Variants in SLC17A8 observed in about 807,000 individuals in gnomAD.
SLC17A8 encodes solute carrier family 17 member 8.
SLC17A8 carries 31 observed loss-of-function variants against 58.0 expected under a neutral mutation model. The ratio of observed to expected loss-of-function variants is 0.53; its 90% CI spans 0.40 to 0.72. The LOEUF (loss-of-function observed/expected upper bound fraction) is 0.72. Among genes scored for constraint, SLC17A8 ranks in the 30% least tolerant of loss-of-function variants. The pLI, the probability that SLC17A8 is intolerant of heterozygous loss-of-function variation, is 0.00. For synonymous variants in SLC17A8, 228 were observed against 249.0 expected (o/e 0.92, Z 0.79); for missense variants, 655 against 727.8 (o/e 0.90, Z 1.15).
Position 100,418,068 on chromosome 12 carries a change from C to T in SLC17A8, c.1337C>T (p.Ala446Val). 1 of 1,614,158 alleles carries T rather than the reference C, an allele frequency of 6.2e-7. No homozygotes were observed. The highest frequency in any genetic ancestry group is 1.3e-5 in the African/African-American group (1 of 75,044). ...CACCTGGACATTGCCCCACGCTATG[C>T]CAGCATTCTCATGGGGATCTCAAAC... The part of the protein sequence containing the change: ...VNHLDIAPRY[A>V]SILMGISNGV... Residue 446 changes from alanine to valine, a missense_variant, in exon 11 of 12, where the codon GCC (alanine) becomes GTC (valine). Ala to Val is a moderately conservative substitution (Grantham distance 64). Coordinates refer to ENST00000323346, the MANE Select transcript of SLC17A8 (RefSeq NM_139319.3).
intron 1 of SLC17A8, among the ~76,000 whole-genome samples, chr12:100,368,559 C>A (rs1952536940): frequency 6.6e-6 from 1 of 152,150 alleles, no homozygotes; most frequent in African/African-American, 2.4e-5. Flanking sequence ...TCTCCCTTAT[C>A]CAACTTTATT....
intron 1 of SLC17A8, among the ~76,000 whole-genome samples, chr12:100,366,286 G>A (rs950068209): frequency 6.6e-6 from 1 of 151,922 alleles, no homozygotes; most frequent in Non-Finnish European, 1.5e-5. Context: ...AAGGAACCAC[G>A]GAAAGCGTTT....
Position 100,402,633 on chromosome 12 carries a change from T to C in SLC17A8, c.941T>C (p.Leu314Ser). ...CCATGGAAAAGATTTTTCACATCTT[T>C]GCCGGTTTATGCAATCATTGTGGCA... ...STPWKRFFTSLPVYAIIVANF... is the reference protein window; with the variant it reads ...STPWKRFFTSSPVYAIIVANF... Residue 314 changes from leucine (L) to serine (S), a missense_variant, in exon 8 of 12, where the codon TTG (leucine) becomes TCG (serine). Physicochemically the swap from Leu to Ser is moderately radical, Grantham distance 145. Coordinates refer to ENST00000323346, the MANE Select transcript of SLC17A8 (RefSeq NM_139319.3). 6.2e-7 allele frequency: 1 copy of C among 1,614,102 alleles called. No homozygotes were observed. The highest frequency in any genetic ancestry group is 1.1e-5 in the South Asian group (1 of 91,052).
chr12:100,361,296 T>A lies in SLC17A8; in HGVS notation c.101+3804T>A, dbSNP rs146803980. ...GCTCTCTGAGTTCATCTGTGACATT[T>A]TCCTGCCTCACTCTACTCTGGATTC... On this transcript the variant is annotated intron_variant, in intron 1 of 11. Transcript: ENST00000323346. Among the ~76,000 whole-genome samples the A allele has an allele frequency of 3.3e-4, 50 of 152,330 alleles. 1 individual carries two copies. The highest frequency in any genetic ancestry group is 1.2e-3 in the African/African-American group (48 of 41,564).
At chr12:100,362,758 G>A (rs1349637328) in intron 1 of SLC17A8, among the ~76,000 whole-genome samples, 1 of 152,134 alleles carries the variant, frequency 6.6e-6, no homozygotes, top group East Asian at 1.9e-4. Context: ...TTCCAAAGAA[G>A]AGTTATTAAG....
chr12:100,391,626 C>T (rs561252614), intron 3 of SLC17A8, among the ~76,000 whole-genome samples: 75 of 152,184 alleles, frequency 4.9e-4, no homozygotes, highest in Admixed American at 2.1e-3. Flanking sequence ...CTTTTTATTT[C>T]GTTTTTCATC....
At chr12:100,391,980 G>T (rs986109658) in intron 3 of SLC17A8, among the ~76,000 whole-genome samples, 5 of 152,100 alleles carry the variant, frequency 3.3e-5, no homozygotes, top group African/African-American at 1.2e-4. Flanking sequence ...GCAATTAAAA[G>T]TACCCAAGAA....
rs1952950797 is a variant in SLC17A8 at position 100,421,670 on chromosome 12, T to G, written c.*1511T>G. 1 of 150,126 alleles carries G rather than the reference T, an allele frequency of 6.7e-6. No homozygotes were observed. The highest frequency in any genetic ancestry group is 1.5e-5 in the Non-Finnish European group (1 of 67,556). 9.3% of individuals were successfully genotyped at this position (150,126 alleles called of 1,614,324 possible). A position where few individuals can be genotyped will look rare whatever the true frequency, so the allele number is the denominator to read the frequency against. ...ATTATTGTAAAGTGTTTTTTTTTTT[T>G]TTTTTTTTTTCTAATTTCTCCCACA... is the stretch of plus-strand genomic sequence containing the variant. On this transcript the variant is annotated 3_prime_UTR_variant, in exon 12 of 12. Transcript: ENST00000323346.
chr12:100,390,924 T>C (rs1952711201), intron 2 of SLC17A8, 77 bp from the exon 3 acceptor site: 1 of 918,306 alleles, frequency 1.1e-6, no homozygotes, highest in Non-Finnish European at 1.8e-6. Flanking sequence ...AGGTAATTAT[T>C]GTGTAGGCTC....
intron 2 of SLC17A8, among the ~76,000 whole-genome samples, chr12:100,389,622 C>G (rs113985956): frequency 0.023 from 3,524 of 150,730 alleles, 45 homozygotes; most frequent in Non-Finnish European, 0.028. Context: ...GAGAGAGAGA[C>G]ACACACATTA....
At position 100,421,616 on chromosome 12, in the gene SLC17A8, G is replaced by C. The variant is rs961515127; in HGVS notation, c.*1457G>C. On this transcript the variant is annotated 3_prime_UTR_variant, in exon 12 of 12. Coordinates refer to ENST00000323346, the MANE Select transcript of SLC17A8 (RefSeq NM_139319.3). The stretch of plus-strand genomic sequence containing the variant: ...TACTTTCAGAAGAAAAATATAATAC[G>C]GAAAAAATTATAGATTTACTTGTAG... 6.7e-6 allele frequency: 1 copy of C among 148,214 alleles called. No individual in the cohort carries two copies. Among genetic ancestry groups the C allele is most frequent in the African/African-American group, 2.5e-5 (1 of 40,416 alleles). The allele number at this position is 148,214 out of a possible 1,614,324, so 9.2% of individuals were successfully genotyped here. A position where few individuals can be genotyped will look rare whatever the true frequency, so the allele number is the denominator to read the frequency against.
chr12:100,371,833 G>A (rs1196012397), intron 1 of SLC17A8, among the ~76,000 whole-genome samples: 7 of 152,200 alleles, frequency 4.6e-5, no homozygotes, highest in Non-Finnish European at 1.0e-4. Flanking sequence ...ACAGCCGTGA[G>A]CCACCGTGCC....
chr12:100,420,131 A>G lies in SLC17A8; in HGVS notation c.1742A>G (p.Glu581Gly). 2 of 1,613,690 alleles carry G rather than the reference A, an allele frequency of 1.2e-6. No homozygotes were observed. Among genetic ancestry groups the G allele is most frequent in the Non-Finnish European group, 1.7e-6 (2 of 1,179,836 alleles). The change falls in exon 12 of 12, where the codon GAA becomes GGA. Residue 581 changes from glutamate to glycine, a missense_variant. Physicochemically the swap from Glu to Gly is moderately conservative, Grantham distance 98 (BLOSUM62 -2). Transcript: ENST00000323346. Reference protein sequence around the residue: ...DEEELTSYQNEERNFSTIS With the variant: ...DEEELTSYQNGERNFSTIS ...GAAGAGCTGACATCCTACCAGAATG[A>G]AGAGAGAAACTTCTCAACTATATCC...
chr12:100,404,237 A>G, intron 9 of SLC17A8, 67 bp downstream of exon 9: 1 of 1,594,062 alleles, frequency 6.3e-7, no homozygotes, highest in Non-Finnish European at 8.6e-7. Flanking sequence ...ACTGCAGAGC[A>G]TATATTAAGA....
intron 1 of SLC17A8, among the ~76,000 whole-genome samples, chr12:100,375,772 G>A (rs1437370576): frequency 3.9e-5 from 6 of 152,110 alleles, no homozygotes; most frequent in Admixed American, 3.9e-4. Flanking sequence ...CACTTTTTAC[G>A]TACCAGGCAC....
rs548885759 is a variant in SLC17A8, at chr12:100,382,451, C to T, written c.354+1498C>T. Among the ~76,000 whole-genome samples, 5 of 152,242 alleles carry T rather than the reference C, an allele frequency of 3.3e-5. No individual in the cohort carries two copies. In the Middle Eastern group the frequency reaches 0.01, roughly 311 times the overall value. On this transcript the variant is annotated intron_variant, in intron 2 of 11. Transcript: ENST00000323346. ...GAGGTTATGGGGTAAAAGAAACAAA[C>T]AAAAATGTCTGCCCAGTGGACACCC...
Position 100,418,052 on chromosome 12 carries a change from A to G in SLC17A8, c.1321A>G (p.Ile441Val), listed in dbSNP as rs1168855290. 4.4e-5 allele frequency: 71 copies of G among 1,614,060 alleles called. No homozygotes were observed. The highest frequency in any genetic ancestry group is 5.6e-5 in the Non-Finnish European group (66 of 1,180,036). ...ISGFNVNHLD[I>V]APRYASILMG... ...AGGTTTTAATGTCAACCACCTGGAC[A>G]TTGCCCCACGCTATGCCAGCATTCT... Residue 441 changes from isoleucine to valine, a missense_variant, in exon 11 of 12, where the codon ATT becomes GTT. Coordinates refer to ENST00000323346, the MANE Select transcript of SLC17A8 (RefSeq NM_139319.3).
At chr12:100,360,539 A>G (rs988623328) in intron 1 of SLC17A8, among the ~76,000 whole-genome samples, 4 of 152,200 alleles carry the variant, frequency 2.6e-5, no homozygotes, top group African/African-American at 7.2e-5. Context: ...GCCTCAAGCC[A>G]TACTGCCTCC....
Position 100,402,732 on chromosome 12 carries a change from T to A in SLC17A8, c.1040T>A (p.Phe347Tyr). 1 of 1,613,906 alleles carries A rather than the reference T, an allele frequency of 6.2e-7. No individual in the cohort carries two copies. Among genetic ancestry groups the A allele is most frequent in the Non-Finnish European group, 8.5e-7 (1 of 1,179,972 alleles). ...GCTTATTTTGAAGAGGTCTTTGGAT[T>A]TGCAATAAGTAAGGTAAACACACAG... Reference protein sequence around the residue: ...QPAYFEEVFGFAISKVGLLSA... With the variant: ...QPAYFEEVFGYAISKVGLLSA... Residue 347 changes from phenylalanine to tyrosine, a missense_variant, in exon 8 of 12, where the codon TTT (phenylalanine) becomes TAT (tyrosine). Coordinates refer to ENST00000323346, the MANE Select transcript of SLC17A8 (RefSeq NM_139319.3).
Sources: gnomAD v4.1 joint callset for allele counts (sites outside exome capture counted in the v4.1 genomes callset) on GRCh38, gnomAD v4.1.1 for gene constraint, MANE v1.5 for transcripts, NCBI Gene and HGNC (gene_info 2026-07-23, HGNC 2026-07-21) for gene names.